The following PRKG1 variants were observed in gnomAD, a reference collection of about 807,000 sequenced individuals.
PRKG1 encodes cGMP-dependent protein kinase 1.
In PRKG1, 35 loss-of-function variants were observed where a neutral mutation model predicts 88.1. The observed-to-expected ratio is 0.40, with a 90% CI of 0.30 to 0.53. The LOEUF is 0.53. PRKG1 is among the 20% of genes least tolerant of loss of function. PRKG1 has a pLI of 0.59. For missense variants in PRKG1, 540 were observed against 839.8 expected (o/e 0.64, Z 4.41); for synonymous variants, 303 against 292.5 (o/e 1.04, Z -0.37).
intron 3 of PRKG1, among the ~76,000 whole-genome samples, chr10:51,555,978 A>C (rs1343554349): frequency 2.0e-5 from 3 of 151,906 alleles, no homozygotes; most frequent in Non-Finnish European, 4.4e-5. Context: ...AAGGGAGAAA[A>C]GAAAGGGGGA....
chr10:51,014,206 T>C (rs1843027787), intron 1 of PRKG1, among the ~76,000 whole-genome samples: 1 of 152,244 alleles, frequency 6.6e-6, no homozygotes. Context: ...TCTTTTTAAA[T>C]CTGCCATGTT....
At chr10:51,674,133 A>G (rs529198016) in intron 3 of PRKG1, among the ~76,000 whole-genome samples, 25 of 152,190 alleles carry the variant, frequency 1.6e-4, no homozygotes, top group Admixed American at 4.6e-4. Context: ...CTAGAATTTA[A>G]ATGGCCTATC....
intron 2 of PRKG1, among the ~76,000 whole-genome samples, chr10:51,312,780 T>C (rs1323265931): frequency 1.3e-5 from 2 of 151,940 alleles, no homozygotes; most frequent in Non-Finnish European, 2.9e-5. Flanking sequence ...ACAAATATAC[T>C]ATTTCCAGTC....
intron 2 of PRKG1, among the ~76,000 whole-genome samples, chr10:51,347,470 T>C (rs1303044006): frequency 6.6e-6 from 1 of 152,142 alleles, no homozygotes; most frequent in Non-Finnish European, 1.5e-5. Context: ...ATCTTATGAA[T>C]GAATTGCTTG....
intron 3 of PRKG1, among the ~76,000 whole-genome samples, chr10:51,585,175 T>G (rs945598612): frequency 6.6e-6 from 1 of 152,084 alleles, no homozygotes; most frequent in Non-Finnish European, 1.5e-5. Flanking sequence ...TAAGAGTGAA[T>G]CTTCTCTTTC....
intron 2 of PRKG1, among the ~76,000 whole-genome samples, chr10:51,453,920 A>G (rs1299643994): frequency 6.6e-6 from 1 of 152,134 alleles, no homozygotes; most frequent in Non-Finnish European, 1.5e-5. Context: ...AAATCAATGT[A>G]CACAAATCAG....
At chr10:51,991,193 A>G (rs964923444) in intron 5 of PRKG1, among the ~76,000 whole-genome samples, 3 of 152,072 alleles carry the variant, frequency 2.0e-5, no homozygotes, top group African/African-American at 7.2e-5. Context: ...ATATCCTGCA[A>G]CTTTACTGAG....
At chr10:51,798,229 T>C (rs1839069576) in intron 3 of PRKG1, among the ~76,000 whole-genome samples, 1 of 152,046 alleles carries the variant, frequency 6.6e-6, no homozygotes, top group East Asian at 1.9e-4. Context: ...ACCATATCAT[T>C]TTCCACAGTG....
intron 2 of PRKG1, among the ~76,000 whole-genome samples, chr10:51,197,587 T>A (rs896781397): frequency 1.3e-5 from 2 of 152,020 alleles, no homozygotes; most frequent in Non-Finnish European, 2.9e-5. Context: ...ATTGTGTTTA[T>A]TGAAAGTATG....
intron 2 of PRKG1, among the ~76,000 whole-genome samples, chr10:51,235,783 A>G (rs968329752): frequency 6.6e-6 from 1 of 152,184 alleles, no homozygotes; most frequent in African/African-American, 2.4e-5. Flanking sequence ...TTATATACAC[A>G]TACCTCTAAG....
chr10:51,138,181 T>G (rs1203425656), intron 1 of PRKG1, among the ~76,000 whole-genome samples: 3 of 152,226 alleles, frequency 2.0e-5, no homozygotes, highest in East Asian at 3.8e-4. Context: ...TGAGGATAAC[T>G]GAGTCAAAAG....
intron 3 of PRKG1, among the ~76,000 whole-genome samples, chr10:51,636,329 A>T (rs1330547077): frequency 2.0e-5 from 3 of 152,194 alleles, no homozygotes; most frequent in Admixed American, 6.5e-5. Flanking sequence ...AAAACCATTG[A>T]TTCTCCATAA....
intron 1 of PRKG1, among the ~76,000 whole-genome samples, chr10:51,115,294 A>G (rs1845088788): frequency 9.4e-6 from 1 of 106,880 alleles, no homozygotes; most frequent in Non-Finnish European, 1.9e-5. Context: ...AGCCTGGGAG[A>G]TAGAGCGAGA....
intron 4 of PRKG1, among the ~76,000 whole-genome samples, chr10:51,815,677 T>TTTTG (rs986444786): frequency 1.3e-5 from 2 of 152,182 alleles, no homozygotes; most frequent in African/African-American, 2.4e-5. Context: ...ATAGGTCCTT[T>TTTTG]TTTGTTTGTT....
At chr10:51,230,880 C>A (rs190861795) in intron 2 of PRKG1, among the ~76,000 whole-genome samples, 1 of 151,928 alleles carries the variant, frequency 6.6e-6, no homozygotes, top group African/African-American at 2.4e-5. Flanking sequence ...ATGCAGAACC[C>A]ATGAATGTGG....
rs149262386 is a variant in PRKG1 at position 51,767,343 on chromosome 10, C to A, written c.593-37242C>A. The stretch of plus-strand genomic sequence containing the variant: ...AGTATGTAGAATTTACTCTCTCTCT[C>A]TCTCTCTATATAAATGGTGGAAAAG... On this transcript the variant is annotated intron_variant, in intron 3 of 17. Coordinates refer to ENST00000373980, the MANE Select transcript of PRKG1 (RefSeq NM_006258.4). Among the ~76,000 whole-genome samples, 1,309 of 152,170 alleles carry A rather than the reference C, an allele frequency of 8.6e-3. 16 individuals carry two copies. The highest frequency in any genetic ancestry group is 0.03 in the African/African-American group (1,232 of 41,502).
intron 2 of PRKG1, among the ~76,000 whole-genome samples, chr10:51,201,404 A>T (rs768092419): frequency 6.6e-6 from 1 of 152,298 alleles, no homozygotes; most frequent in Non-Finnish European, 1.5e-5. Context: ...GTGAGCCGAG[A>T]TTGTGCCGTC....
chr10:51,402,387 A>G (rs916364280), intron 2 of PRKG1, among the ~76,000 whole-genome samples: 1 of 152,178 alleles, frequency 6.6e-6, no homozygotes, highest in African/African-American at 2.4e-5. Flanking sequence ...AATTCCTCAC[A>G]TGTCTGTGGG....
intron 7 of PRKG1, among the ~76,000 whole-genome samples, chr10:52,067,134 A>T (rs1331948288): frequency 1.3e-5 from 2 of 152,198 alleles, no homozygotes; most frequent in Non-Finnish European, 2.9e-5. Flanking sequence ...ACTTTGATAT[A>T]TAAAATCTTT....
Sources: gnomAD v4.1 joint callset for allele counts (sites outside exome capture counted in the v4.1 genomes callset) on GRCh38, gnomAD v4.1.1 for gene constraint, MANE v1.5 for transcripts, NCBI Gene and HGNC (gene_info 2026-07-23, HGNC 2026-07-21) for gene names.